The following A1BG variants were observed in gnomAD, a reference collection of about 807,000 sequenced individuals.
A1BG encodes alpha-1-B glycoprotein.
In A1BG, 44 loss-of-function variants were observed where a neutral mutation model predicts 46.0. The ratio of observed to expected loss-of-function variants is 0.96; its 90% CI spans 0.75 to 1.23. A1BG has a LOEUF of 1.23. Among genes scored for constraint, A1BG ranks in the 50% most tolerant of loss-of-function variants. The pLI is 0.00. For missense variants in A1BG, 707 were observed against 688.8 expected (o/e 1.03, Z -0.30); for synonymous variants, 316 against 314.7 (o/e 1.00, Z -0.04).
In A1BG at chr19:58,353,408, C is replaced by T. The variant is rs2051985856; in HGVS notation, c.30G>A (p.Leu10=). Reference sequence around the variant, plus strand: ...CCAGACCCCAGGAGGCCTCACCCCACAGCAAGAGAAAGACCACGAGCATGG... The same window carrying T: ...CCAGACCCCAGGAGGCCTCACCCCATAGCAAGAGAAAGACCACGAGCATGG... MSMLVVFLL[L]WGVTWGPVTE... is the part of the protein sequence containing the mutation. The change falls in exon 1 of 8, where the codon CTG becomes CTA. Residue 10 remains leucine, a synonymous_variant. Transcript: ENST00000263100. The T allele has an allele frequency of 6.2e-7, 1 of 1,612,718 alleles. No individual in the cohort carries two copies. Among genetic ancestry groups the T allele is most frequent in the African/African-American group, 1.3e-5 (1 of 74,900 alleles).
Position 58,353,427 on chromosome 19 carries a change from A to C in A1BG, c.11T>G (p.Leu4Arg), listed in dbSNP as rs778845735. The C allele has an allele frequency of 6.2e-7, 1 of 1,612,370 alleles. No homozygotes were observed. The highest frequency in any genetic ancestry group is 1.1e-5 in the South Asian group (1 of 90,710). MSM[L>R]VVFLLLWGVT... ...ACCCCACAGCAAGAGAAAGACCACG[A>C]GCATGGACATGATGGTCGCGCTCAC... The change falls in exon 1 of 8, where the codon CTC (leucine) becomes CGC (arginine). Residue 4 changes from leucine to arginine, a missense_variant. Physicochemically the swap from Leu to Arg is moderately radical, Grantham distance 102. Coordinates refer to ENST00000263100, the MANE Select transcript of A1BG (RefSeq NM_130786.4).
At position 58,346,889 on chromosome 19, in the gene A1BG, C is replaced by T. The variant is rs1424967130; in HGVS notation, c.*133G>A. The T allele has an allele frequency of 4.2e-6, 4 of 947,630 alleles. No individual in the cohort carries two copies. The African/African-American group carries it at 4.8e-5, about 11-fold the overall frequency. 58.7% of individuals were successfully genotyped at this position (947,630 alleles called of 1,614,324 possible). A position where few individuals can be genotyped will look rare whatever the true frequency, so the allele number is the denominator to read the frequency against. The stretch of plus-strand genomic sequence containing the variant: ...AGCCTCTCTTCACATTTATTAATTC[C>T]TGGGAGGAATGAGGGAGGCTTCTCC... On this transcript the variant is annotated 3_prime_UTR_variant, in exon 8 of 8. Coordinates refer to ENST00000263100, the MANE Select transcript of A1BG (RefSeq NM_130786.4).
chr19:58,351,358 G>A (rs371502566), intron 5 of A1BG, 33 bp downstream of exon 5: 1 of 1,599,542 alleles, frequency 6.3e-7, no homozygotes. Context: ...CAGGGACCCA[G>A]CCGCGTCCCT....
chr19:58,350,648 G>A lies in A1BG; in HGVS notation c.914C>T (p.Thr305Met), dbSNP rs1192248339. 1 of 1,406,124 alleles carries A rather than the reference G, an allele frequency of 7.1e-7. No homozygotes were observed. Among genetic ancestry groups the A allele is most frequent in the Admixed American group, 3.3e-5 (1 of 30,366 alleles). The allele number at this position is 1,406,124 out of a possible 1,614,324, so 87.1% of individuals were successfully genotyped here. ...APVELILSDETLPAPEFSPEP... is the reference protein window; with the variant it reads ...APVELILSDEMLPAPEFSPEP... Reference sequence around the variant, plus strand: ...CGGGGAGAACTCCGGCGCGGGCAGCGTCTCTGCGGAGCAGCACACGGGCTG... The same window carrying A: ...CGGGGAGAACTCCGGCGCGGGCAGCATCTCTGCGGAGCAGCACACGGGCTG... The change falls in exon 6 of 8, where the codon ACG (threonine) becomes ATG (methionine). Residue 305 changes from threonine to methionine, a missense_variant. Thr to Met is a moderately conservative substitution (Grantham distance 81). Coordinates refer to ENST00000263100, the MANE Select transcript of A1BG (RefSeq NM_130786.4).
chr19:58,351,573 A>G lies in A1BG; in HGVS notation c.728T>C (p.Leu243Pro). The G allele has an allele frequency of 2.5e-6, 4 of 1,613,876 alleles. No individual in the cohort carries two copies. The highest frequency in any genetic ancestry group is 3.4e-6 in the Non-Finnish European group (4 of 1,180,006). ...VAPLSGVDFQ[L>P]RRGEKELLVP... The stretch of plus-strand genomic sequence containing the variant: ...CAGCAGCTCTTTCTCCCCGCGCCGT[A>G]GCTGGAAGTCCACTCCACTCAGGGG... The change falls in exon 5 of 8, where the codon CTA becomes CCA. Residue 243 changes from leucine (L) to proline (P), a missense_variant. By Grantham distance (98) the Leu-to-Pro change is moderately conservative (BLOSUM62 -3). Transcript: ENST00000263100.
At chr19:58,351,949 CCA>C in intron 4 of A1BG, 1 of 765,940 alleles carries the variant, frequency 1.3e-6, no homozygotes, top group Non-Finnish European at 2.0e-6. Flanking sequence ...GCACCTGCCA[CCA>C]CACCTGGCTA....
rs1168606738 is a variant in A1BG at position 58,345,278 on chromosome 19, C to T, written c.*1744G>A. ...CAACTAAGCACTTGGGGAAAAAATG[C>T]TTAACATCATCAGACATTAAGGAAA... On this transcript the variant is annotated 3_prime_UTR_variant, in exon 8 of 8. Transcript: ENST00000263100. 1 of 152,142 alleles carries T rather than the reference C, an allele frequency of 6.6e-6. No homozygotes were observed. Among genetic ancestry groups the T allele is most frequent in the Non-Finnish European group, 1.5e-5 (1 of 68,036 alleles). 9.4% of individuals were successfully genotyped at this position (152,142 alleles called of 1,614,324 possible). A position where few individuals can be genotyped will look rare whatever the true frequency, so the allele number is the denominator to read the frequency against.
rs376096264 is a variant in A1BG at position 58,347,717 on chromosome 19, A to C, written c.1193-77T>G. The C allele has an allele frequency of 4.6e-5, 45 of 980,816 alleles. No homozygotes were observed. The East Asian group carries it at 1.5e-3, about 34-fold the overall frequency. 60.8% of individuals were successfully genotyped at this position (980,816 alleles called of 1,614,324 possible). A position where few individuals can be genotyped will look rare whatever the true frequency, so the allele number is the denominator to read the frequency against. ...CAGGCCACACCCCAGGCCACACCCC[A>C]GGCCGCGCCCGCGCCTGCGCCTCAG... On this transcript the variant is annotated intron_variant, in intron 6 of 7. Transcript: ENST00000263100.
intron 6 of A1BG, 152 bp from the exon 7 acceptor site, chr19:58,347,792 G>A (rs773819088): frequency 4.5e-6 from 2 of 441,282 alleles, no homozygotes; most frequent in Non-Finnish European, 7.3e-6. Flanking sequence ...GGGCTCCTCC[G>A]GCGCCGCCGA....
chr19:58,351,284 A>G, intron 5 of A1BG, 107 bp downstream of exon 5: 3 of 1,413,254 alleles, frequency 2.1e-6, no homozygotes, highest in East Asian at 2.3e-5. Context: ...TAAAGTTGGT[A>G]TTGGACCCTG....
At position 58,351,621 on chromosome 19, in the gene A1BG, T is replaced by A. The variant is rs142841906; in HGVS notation, c.680A>T (p.Lys227Met). The A allele has an allele frequency of 1.5e-5, 25 of 1,613,266 alleles. No individual in the cohort carries two copies. Among genetic ancestry groups the A allele is most frequent in the Non-Finnish European group, 1.9e-5 (23 of 1,179,872 alleles). The change falls in exon 5 of 8, where the codon AAG (lysine) becomes ATG (methionine). Residue 227 changes from lysine to methionine, a missense_variant. Coordinates refer to ENST00000263100, the MANE Select transcript of A1BG (RefSeq NM_130786.4). ...ESSQVLHPGN[K>M]VTLTCVAPLS... ...GGGAGCCACGCAGGTGAGGGTCACC[T>A]TGTTGCCAGGGTGCAGGACCTGGGA... is the stretch of plus-strand genomic sequence containing the variant.
chr19:58,353,359 C>T (rs1382191984), intron 1 of A1BG, 32 bp from the exon 2 acceptor site: 8 of 1,595,300 alleles, frequency 5.0e-6, no homozygotes, highest in Non-Finnish European at 6.9e-6. Context: ...GGCTCCTGTT[C>T]CCGCCCCCTC....
At chr19:58,352,844 C>T in intron 3 of A1BG, 84 bp downstream of exon 3, 2 of 1,516,310 alleles carry the variant, frequency 1.3e-6, no homozygotes, top group Non-Finnish European at 1.8e-6. Context: ...GGCTCAGAGA[C>T]ATCGGGTGAC....
rs2051978126 is a variant in A1BG at position 58,353,030 on chromosome 19, G to A, written c.238C>T (p.Gln80Ter). The A allele has an allele frequency of 6.2e-7, 1 of 1,614,118 alleles. No individual in the cohort carries two copies. The highest frequency in any genetic ancestry group is 1.1e-5 in the South Asian group (1 of 91,090). Residue 80 changes from glutamine to a stop codon, truncating the protein, a stop_gained, in exon 3 of 8, where the codon CAG (glutamine) becomes TAG (stop). Coordinates refer to ENST00000263100, the MANE Select transcript of A1BG (RefSeq NM_130786.4). LOFTEE classifies it high-confidence loss of function. ...VHLDSPAIKH[Q>*]FLLTGDTQGR... is the part of the protein sequence containing the mutation. ...TGGGTGTCACCCGTCAGCAGGAACT[G>A]GTGCTTGATGGCAGGTGAGTCAAGG...
rs535534301 is a variant in A1BG, at chr19:58,345,831, G to C, written c.*1191C>G. 76 of 152,364 alleles carry C rather than the reference G, an allele frequency of 5.0e-4. No homozygotes were observed. The highest frequency in any genetic ancestry group is 1.7e-3 in the African/African-American group (71 of 41,564). The allele number at this position is 152,364 out of a possible 1,614,324, so 9.4% of individuals were successfully genotyped here. On this transcript the variant is annotated 3_prime_UTR_variant, in exon 8 of 8. Transcript: ENST00000263100. ...TAGATATTACTAAGGCAGTAAACCA[G>C]ATCACTAGCAAATTCGTTGAAAAAC...
chr19:58,350,139 C>T, intron 6 of A1BG: 2 of 525,894 alleles, frequency 3.8e-6, no homozygotes, highest in Non-Finnish European at 6.5e-6. Flanking sequence ...CTGCTGCCGA[C>T]CACCACGCTA....
At chr19:58,351,254 T>G in intron 5 of A1BG, 137 bp downstream of exon 5, 1 of 1,111,088 alleles carries the variant, frequency 9.0e-7, no homozygotes, top group East Asian at 2.4e-5. Context: ...TTTAGGACCC[T>G]GAATCGGCGG....
Position 58,353,180 on chromosome 19 carries a change from T to C in A1BG, c.88A>G (p.Ser30Gly), listed in dbSNP as rs563772889. 9.3e-6 allele frequency: 15 copies of C among 1,613,762 alleles called. No homozygotes were observed. Among genetic ancestry groups the C allele is most frequent in the Admixed American group, 1.7e-5 (1 of 59,998 alleles). The change falls in exon 3 of 8, where the codon AGC (serine) becomes GGC (glycine). Residue 30 changes from serine to glycine, a missense_variant. Coordinates refer to ENST00000263100, the MANE Select transcript of A1BG (RefSeq NM_130786.4). ...EAAIFYETQP[S>G]LWAESESLLK... ...AGTGATTCGGACTCTGCCCACAGGC[T>C]GGGCTGCGTCTCATAAACTGCAAGG... is the stretch of plus-strand genomic sequence containing the variant.
At position 58,350,428 on chromosome 19, in the gene A1BG, G is replaced by A. The variant is rs757556359; in HGVS notation, c.1134C>T (p.Asp378=). ...CGGAGCCCCCGAAAGGCGGCTTCAG[G>A]TCCACGTAGACGCAGCTGTAGTTGG... ...DSANYSCVYV[D]LKPPFGGSAP... Residue 378 remains aspartate (D), a synonymous_variant, in exon 6 of 8, where the codon GAC becomes GAT. Coordinates refer to ENST00000263100, the MANE Select transcript of A1BG (RefSeq NM_130786.4). 6.4e-7 allele frequency: 1 copy of A among 1,551,306 alleles called. No individual in the cohort carries two copies. Among genetic ancestry groups the A allele is most frequent in the Admixed American group, 2.0e-5 (1 of 51,200 alleles).
Sources: gnomAD v4.1 joint callset for allele counts on GRCh38, gnomAD v4.1.1 for gene constraint, MANE v1.5 for transcripts, NCBI Gene and HGNC (gene_info 2026-07-23, HGNC 2026-07-21) for gene names.